Variants in DTL observed in about 807,000 individuals in gnomAD.
The protein encoded by DTL is denticleless E3 ubiquitin protein ligase adapter.
A neutral mutation model predicts 87.0 loss-of-function variants in DTL; 46 were observed. The observed-to-expected ratio is 0.53, with a 90% CI of 0.42 to 0.68. The LOEUF (loss-of-function observed/expected upper bound fraction) is 0.68, where lower values mean the gene tolerates loss of function less well. Among genes scored for constraint, DTL ranks in the 30% least tolerant of loss-of-function variants. The pLI, the probability that DTL is intolerant of heterozygous loss-of-function variation, is 0.00. For missense variants in DTL, 737 were observed against 869.4 expected (o/e 0.85, Z 1.91); for synonymous variants, 308 against 311.2 (o/e 0.99, Z 0.11).
intron 13 of DTL, among the ~76,000 whole-genome samples, chr1:212,084,961 T>C (rs539748796): frequency 6.6e-6 from 1 of 152,338 alleles, no homozygotes; most frequent in Admixed American, 6.5e-5. Flanking sequence ...ATAACCTATG[T>C]ACATTTTCCC....
Position 212,100,693 on chromosome 1 carries a change from T to A in DTL, c.1703T>A (p.Val568Glu). Residue 568 changes from valine to glutamate, a missense_variant, in exon 14 of 15, where the codon GTG becomes GAG. Coordinates refer to ENST00000366991, the MANE Select transcript of DTL (RefSeq NM_016448.4). The part of the protein sequence containing the change: ...SCLESVKQKC[V>E]KSCNCVTELD... ...CTGGAGAGTGTGAAACAAAAGTGTG[T>A]GAAGAGTTGTAACTGTGTGACTGAG... 1 of 1,614,092 alleles carries A rather than the reference T, an allele frequency of 6.2e-7. No homozygotes were observed. The highest frequency in any genetic ancestry group is 8.5e-7 in the Non-Finnish European group (1 of 1,180,018).
intron 1 of DTL, among the ~76,000 whole-genome samples, chr1:212,040,966 G>A (rs1214041253): frequency 1.3e-5 from 2 of 152,240 alleles, no homozygotes; most frequent in Non-Finnish European, 2.9e-5. Context: ...AACCACGGGT[G>A]AGGGGTAACT....
intron 5 of DTL, among the ~76,000 whole-genome samples, chr1:212,051,339 T>C (rs1254184643): frequency 6.6e-6 from 1 of 151,986 alleles, no homozygotes; most frequent in African/African-American, 2.4e-5. Flanking sequence ...ACTTTTCTTA[T>C]AGTGTGAGTC....
chr1:212,076,970 A>G (rs775006594), intron 11 of DTL, among the ~76,000 whole-genome samples: 1 of 152,166 alleles, frequency 6.6e-6, no homozygotes, highest in Non-Finnish European at 1.5e-5. Flanking sequence ...CATATGTACC[A>G]TTTAAGCCAA....
intron 13 of DTL, among the ~76,000 whole-genome samples, chr1:212,087,750 T>G (rs1655172607): frequency 6.6e-6 from 1 of 152,176 alleles, no homozygotes; most frequent in African/African-American, 2.4e-5. Context: ...ACAGATTTGC[T>G]GCTTCTAATC....
intron 2 of DTL, 45 bp from the exon 3 acceptor site, chr1:212,044,615 A>C: frequency 7.7e-7 from 1 of 1,301,446 alleles, no homozygotes; most frequent in East Asian, 2.3e-5. Context: ...AAAAAAAAAA[A>C]AAATTGTGTT....
At position 212,100,684 on chromosome 1, in the gene DTL, A is replaced by G. The variant is rs761278839; in HGVS notation, c.1694A>G (p.Gln565Arg). The change falls in exon 14 of 15, where the codon CAA becomes CGA. Residue 565 changes from glutamine (Q) to arginine (R), a missense_variant. Coordinates refer to ENST00000366991, the MANE Select transcript of DTL (RefSeq NM_016448.4). ...TCAAGCTGTCTGGAGAGTGTGAAACAAAAGTGTGTGAAGAGTTGTAACTGT... is the reference window on the plus strand; with the variant it reads ...TCAAGCTGTCTGGAGAGTGTGAAACGAAAGTGTGTGAAGAGTTGTAACTGT... ...LDSSCLESVK[Q>R]KCVKSCNCVT... 1.1e-5 allele frequency: 17 copies of G among 1,614,026 alleles called. No homozygotes were observed. The South Asian group carries it at 1.6e-4, about 16-fold the overall frequency.
chr1:212,069,357 C>A (rs1654601365), intron 10 of DTL, among the ~76,000 whole-genome samples: 1 of 152,008 alleles, frequency 6.6e-6, no homozygotes, highest in Non-Finnish European at 1.5e-5. Flanking sequence ...TTAAGAACAT[C>A]AATTTCTTAA....
intron 2 of DTL, among the ~76,000 whole-genome samples, chr1:212,044,446 A>C (rs553398465): frequency 1.3e-5 from 2 of 151,886 alleles, no homozygotes; most frequent in East Asian, 3.9e-4. Context: ...CTCTAGTAAA[A>C]ATACAAAATT....
Position 212,104,401 on chromosome 1 carries a change from A to T in DTL, c.*1461A>T, listed in dbSNP as rs904854888. ...CCAGGGAGAAAAATAAAAGGAAGCC[A>T]TAGAATTGCTCTGGTCAAAACCAAG... On this transcript the variant is annotated 3_prime_UTR_variant, in exon 15 of 15. Coordinates refer to ENST00000366991, the MANE Select transcript of DTL (RefSeq NM_016448.4). 1.3e-5 allele frequency: 2 copies of T among 152,236 alleles called. No individual in the cohort carries two copies. Among genetic ancestry groups the T allele is most frequent in the African/African-American group, 4.8e-5 (2 of 41,468 alleles). 9.4% of individuals were successfully genotyped at this position (152,236 alleles called of 1,614,324 possible). A position where few individuals can be genotyped will look rare whatever the true frequency, so the allele number is the denominator to read the frequency against.
chr1:212,089,766 A>G (rs1440663582), intron 13 of DTL, among the ~76,000 whole-genome samples: 1 of 152,200 alleles, frequency 6.6e-6, no homozygotes, highest in African/African-American at 2.4e-5. Context: ...TTTCCAACAC[A>G]TCAATTTCAT....
intron 13 of DTL, among the ~76,000 whole-genome samples, chr1:212,084,347 A>C (rs1655069808): frequency 6.6e-6 from 1 of 151,750 alleles, no homozygotes; most frequent in Non-Finnish European, 1.5e-5. Context: ...CACCATGCCC[A>C]GCTAATTTTT....
At chr1:212,092,081 G>C (rs1165823548) in intron 13 of DTL, among the ~76,000 whole-genome samples, 1 of 152,200 alleles carries the variant, frequency 6.6e-6, no homozygotes, top group African/African-American at 2.4e-5. Flanking sequence ...GGTGTACGCT[G>C]TAACCAATGT....
intron 3 of DTL, among the ~76,000 whole-genome samples, chr1:212,046,747 A>G (rs1381527185): frequency 6.6e-6 from 1 of 152,206 alleles, no homozygotes; most frequent in Non-Finnish European, 1.5e-5. Flanking sequence ...GCTGCAGTGA[A>G]CATATGCATG....
At chr1:212,081,551 A>AG (rs1481360112) in intron 13 of DTL, among the ~76,000 whole-genome samples, 1 of 152,226 alleles carries the variant, frequency 6.6e-6, no homozygotes, top group African/African-American at 2.4e-5. Context: ...ATAAATTGTA[A>AG]GGGGGTCAGG....
rs1290740031 is a variant in DTL at position 212,100,822 on chromosome 1, T to C, written c.1832T>C (p.Ile611Thr). 1 of 1,614,076 alleles carries C rather than the reference T, an allele frequency of 6.2e-7. No individual in the cohort carries two copies. The highest frequency in any genetic ancestry group is 1.7e-5 in the Admixed American group (1 of 60,014). The change falls in exon 14 of 15, where the codon ATT (isoleucine) becomes ACT (threonine). Residue 611 changes from isoleucine to threonine, a missense_variant. Ile to Thr is a moderately conservative substitution (Grantham distance 89). Transcript: ENST00000366991. Reference protein sequence around the residue: ...DSLGPTKSSKIEGAGTSISEP... With the variant: ...DSLGPTKSSKTEGAGTSISEP... ...CTAGGTCCTACCAAATCAAGCAAAA[T>C]TGAAGGAGCTGGTACCAGTATCTCA...
intron 5 of DTL, among the ~76,000 whole-genome samples, chr1:212,051,034 A>G (rs1571945714): frequency 6.6e-6 from 1 of 151,796 alleles, no homozygotes; most frequent in East Asian, 1.9e-4. Context: ...TTATTCTTTC[A>G]TAGTTGCTTT....
intron 3 of DTL, among the ~76,000 whole-genome samples, chr1:212,045,779 ATTTG>A (rs1377760450): frequency 6.6e-6 from 1 of 152,220 alleles, no homozygotes; most frequent in Non-Finnish European, 1.5e-5. Flanking sequence ...GAAGTGACCA[ATTTG>A]TTTGGAATAA....
At chr1:212,102,559 T>C (rs992736403) in intron 14 of DTL, among the ~76,000 whole-genome samples, 1 of 152,214 alleles carries the variant, frequency 6.6e-6, no homozygotes, top group African/African-American at 2.4e-5. Flanking sequence ...TCAAAAAGGA[T>C]AGTAATTGTA....
Sources: allele counts gnomAD v4.1 joint callset (sites outside exome capture counted in the v4.1 genomes callset), GRCh38; gene constraint gnomAD v4.1.1; transcripts MANE v1.5; gene names NCBI Gene and HGNC (gene_info 2026-07-23, HGNC 2026-07-21).